Variants in ENTHD1 observed in about 807,000 individuals in gnomAD.
ENTHD1 encodes ENTH domain-containing protein 1.
In ENTHD1, 23 loss-of-function variants were observed where a neutral mutation model predicts 39.1. The ratio of observed to expected loss-of-function variants is 0.59; its 90% CI spans 0.42 to 0.83. The LOEUF (loss-of-function observed/expected upper bound fraction) is 0.83. Among genes scored for constraint, ENTHD1 ranks in the 40% least tolerant of loss-of-function variants. The pLI is 0.00. For missense variants in ENTHD1, 624 were observed against 705.4 expected, an observed-to-expected ratio of 0.88 and a Z score of 1.31; for synonymous variants, 230 against 258.2, an observed-to-expected ratio of 0.89 and a Z score of 1.05.
Position 39,744,166 on chromosome 22 carries a change from A to C in ENTHD1, c.1337T>G (p.Phe446Cys). The C allele has an allele frequency of 6.2e-7, 1 of 1,614,132 alleles. No homozygotes were observed. The highest frequency in any genetic ancestry group is 8.5e-7 in the Non-Finnish European group (1 of 1,179,988). Residue 446 changes from phenylalanine (F) to cysteine (C), a missense_variant, in exon 7 of 7, where the codon TTC (phenylalanine) becomes TGC (cysteine). By Grantham distance (205) the Phe-to-Cys change is radical. Coordinates refer to ENST00000325157, the MANE Select transcript of ENTHD1 (RefSeq NM_152512.4). ...CAACTGTTGATGGGACAGAGTCCAG[A>C]AGGAAGGTCCGGCCAGAATTGGTGA... ...LLSPILAGPSFWTLSHQQLSS... is the reference protein window; with the variant it reads ...LLSPILAGPSCWTLSHQQLSS...
intron 6 of ENTHD1, among the ~76,000 whole-genome samples, 183 bp from the exon 7 acceptor site, chr22:39,744,466 C>A (rs867443604): frequency 6.6e-6 from 1 of 152,040 alleles, no homozygotes; most frequent in South Asian, 2.1e-4. Context: ...CTAAGAAAAT[C>A]TACAGATGTA....
intron 2 of ENTHD1, among the ~76,000 whole-genome samples, chr22:39,863,106 G>C (rs1372992729): frequency 6.6e-6 from 1 of 152,158 alleles, no homozygotes; most frequent in East Asian, 1.9e-4. Context: ...CCAGCCTCCA[G>C]AACCATGAGA....
At chr22:39,817,290 C>G (rs151036498) in intron 5 of ENTHD1, among the ~76,000 whole-genome samples, 2 of 152,240 alleles carry the variant, frequency 1.3e-5, no homozygotes, top group East Asian at 3.9e-4. Flanking sequence ...CATATGTGCA[C>G]AAGGTTATTC....
chr22:39,825,062 G>A (rs967513875), intron 4 of ENTHD1, among the ~76,000 whole-genome samples: 1 of 152,104 alleles, frequency 6.6e-6, no homozygotes, highest in East Asian at 1.9e-4. Context: ...AACATGATAG[G>A]TCTCTATTTG....
intron 6 of ENTHD1, among the ~76,000 whole-genome samples, chr22:39,764,094 T>C (rs189999128): frequency 9.6e-4 from 146 of 152,322 alleles, no homozygotes; most frequent in Middle Eastern, 3.4e-3. Context: ...AATATAAATT[T>C]CTTTAACTTC....
At position 39,875,520 on chromosome 22, in the gene ENTHD1, G is replaced by C. The variant is rs553296629; in HGVS notation, c.349+11880C>G. The C allele has an allele frequency of 3.1e-5, 49 of 1,604,698 alleles. No homozygotes were observed. In the African/African-American group the frequency reaches 6.0e-4, roughly 20 times the overall value. ...GGCCTCAATGTCCCTGCTTCTGTTT[G>C]TTATTCCCACACAGACGTCAAGGTG... On this transcript the variant is annotated intron_variant, in intron 2 of 6. Coordinates refer to ENST00000325157, the MANE Select transcript of ENTHD1 (RefSeq NM_152512.4).
intron 2 of ENTHD1, among the ~76,000 whole-genome samples, chr22:39,886,636 T>C (rs1374299496): frequency 6.6e-6 from 1 of 152,234 alleles, no homozygotes; most frequent in Non-Finnish European, 1.5e-5. Flanking sequence ...TCATGATTCA[T>C]AAGACTATTC....
chr22:39,824,072 A>AT (rs986977145), intron 4 of ENTHD1, among the ~76,000 whole-genome samples: 1 of 151,342 alleles, frequency 6.6e-6, no homozygotes, highest in African/African-American at 2.4e-5. Context: ...GTTTACAAAT[A>AT]TTTTTTCCCA....
chr22:39,892,767 G>A (rs2146790882), intron 1 of ENTHD1, among the ~76,000 whole-genome samples: 1 of 152,306 alleles, frequency 6.6e-6, no homozygotes, highest in East Asian at 1.9e-4. Flanking sequence ...CAGCTCTTGT[G>A]TTTGTACAGG....
chr22:39,808,098 T>A (rs111844598), intron 5 of ENTHD1, among the ~76,000 whole-genome samples: 1 of 152,172 alleles, frequency 6.6e-6, no homozygotes, highest in African/African-American at 2.4e-5. Flanking sequence ...ACTTTCTTCA[T>A]CTGTCTCATA....
intron 2 of ENTHD1, among the ~76,000 whole-genome samples, chr22:39,868,661 A>G (rs957762618): frequency 5.3e-5 from 8 of 152,182 alleles, no homozygotes; most frequent in Non-Finnish European, 1.0e-4. Flanking sequence ...CTGCACAACA[A>G]AAGAAACTAT....
Position 39,844,573 on chromosome 22 carries a change from A to G in ENTHD1, c.593-8615T>C, listed in dbSNP as rs531285400. On this transcript the variant is annotated intron_variant, in intron 3 of 6. Coordinates refer to ENST00000325157, the MANE Select transcript of ENTHD1 (RefSeq NM_152512.4). Reference sequence around the variant, plus strand: ...ACCCAGTACGCAATGAGGTTTTTTTAAAAAAGTCAATAGTAATCTAACATA... The same window carrying G: ...ACCCAGTACGCAATGAGGTTTTTTTGAAAAAGTCAATAGTAATCTAACATA... Among the ~76,000 whole-genome samples the G allele has an allele frequency of 6.6e-5, 10 of 152,316 alleles. No homozygotes were observed. In the South Asian group the frequency reaches 1.9e-3, roughly 28 times the overall value.
chr22:39,762,923 G>A (rs567355958), intron 6 of ENTHD1, among the ~76,000 whole-genome samples: 6 of 151,670 alleles, frequency 4.0e-5, no homozygotes, highest in East Asian at 1.9e-4. Context: ...ATTTCTGGCC[G>A]TTTTTTCATA....
chr22:39,890,241 A>G (rs1230448174), intron 1 of ENTHD1, among the ~76,000 whole-genome samples: 1 of 152,054 alleles, frequency 6.6e-6, no homozygotes, highest in African/African-American at 2.4e-5. Flanking sequence ...TTGTGTTTCT[A>G]CAACTTTCTG....
intron 5 of ENTHD1, among the ~76,000 whole-genome samples, chr22:39,801,698 C>T (rs2146617121): frequency 6.6e-6 from 1 of 152,274 alleles, no homozygotes; most frequent in African/African-American, 2.4e-5. Context: ...GTAACTTAAA[C>T]ATGTTGAGCT....
At chr22:39,745,303 T>G (rs896142598) in intron 6 of ENTHD1, among the ~76,000 whole-genome samples, 3 of 152,206 alleles carry the variant, frequency 2.0e-5, no homozygotes, top group Admixed American at 6.5e-5. Context: ...AACTTACTAC[T>G]TAAAAAAAAA....
chr22:39,824,541 A>C (rs2065812068), intron 4 of ENTHD1, among the ~76,000 whole-genome samples: 1 of 151,898 alleles, frequency 6.6e-6, no homozygotes, highest in South Asian at 2.1e-4. Flanking sequence ...TTTCTCCTGT[A>C]TTTTCTAAAA....
intron 5 of ENTHD1, among the ~76,000 whole-genome samples, chr22:39,790,761 G>C (rs762010115): frequency 4.6e-5 from 7 of 152,286 alleles, no homozygotes; most frequent in African/African-American, 7.2e-5. Flanking sequence ...TCCAATTCCA[G>C]GGAACCTATT....
At chr22:39,820,721 C>A (rs905072148) in intron 5 of ENTHD1, among the ~76,000 whole-genome samples, 1 of 151,902 alleles carries the variant, frequency 6.6e-6, no homozygotes. Flanking sequence ...AAAACAGGAA[C>A]TAAAATTAAT....
Sources: allele counts gnomAD v4.1 joint callset (sites outside exome capture counted in the v4.1 genomes callset), GRCh38; gene constraint gnomAD v4.1.1; transcripts MANE v1.5; gene names NCBI Gene and HGNC (gene_info 2026-07-23, HGNC 2026-07-21).